AGBL1: variants seen among roughly 807,000 people sequenced by gnomAD.
The protein encoded by AGBL1 is AGBL carboxypeptidase 1.
A neutral mutation model predicts 118.9 loss-of-function variants in AGBL1; 130 were observed. The ratio of observed to expected loss-of-function variants is 1.09; its 90% CI spans 0.95 to 1.26. AGBL1 has a LOEUF of 1.26. AGBL1 is among the 50% of genes most tolerant of loss of function. The pLI, the probability that AGBL1 is intolerant of heterozygous loss-of-function variation, is 0.00. For missense variants in AGBL1, 1,584 were observed against 1,298.1 expected (o/e 1.22, Z -3.38); for synonymous variants, 555 against 478.9 (o/e 1.16, Z -2.08).
At chr15:86,468,170 G>C (rs758271181) in intron 18 of AGBL1, among the ~76,000 whole-genome samples, 6 of 152,102 alleles carry the variant, frequency 3.9e-5, no homozygotes, top group Non-Finnish European at 8.8e-5. Context: ...AGGCCTTGAA[G>C]AAAAATTGCA....
At chr15:86,999,387 A>G (rs1265396551) in intron 24 of AGBL1, among the ~76,000 whole-genome samples, 6 of 125,098 alleles carry the variant, frequency 4.8e-5, no homozygotes, top group African/African-American at 1.5e-4. Flanking sequence ...CCACCCCACA[A>G]CAGTCCCCAG....
intron 22 of AGBL1, among the ~76,000 whole-genome samples, chr15:86,693,612 A>G (rs1350382968): frequency 1.3e-5 from 2 of 151,974 alleles, no homozygotes; most frequent in South Asian, 4.1e-4. Flanking sequence ...CCACCTATTT[A>G]TCTTTGTTTT....
intron 22 of AGBL1, among the ~76,000 whole-genome samples, chr15:86,808,700 T>C (rs2078750705): frequency 6.6e-6 from 1 of 150,456 alleles, no homozygotes; most frequent in Non-Finnish European, 1.5e-5. Context: ...CCTTCCTCCT[T>C]CCTTCCTTCT....
rs566163421 is a variant in AGBL1, at chr15:86,734,610, G to A, written c.3158+60174G>A. ...CTCCTACCTGCTCAGAGCCACAGCC[G>A]GCCAACTCCTATGCTGTGGAGTCAT... On this transcript the variant is annotated intron_variant, in intron 22 of 22. Coordinates refer to ENST00000614907, the MANE Select transcript of AGBL1 (RefSeq NM_001386094.1). 2.6e-4 allele frequency among the ~76,000 whole-genome samples: 40 copies of A among 152,182 alleles called. No individual in the cohort carries two copies. In the South Asian group the frequency reaches 7.7e-3, roughly 29 times the overall value.
intron 5 of AGBL1, among the ~76,000 whole-genome samples, chr15:86,170,087 G>A (rs751911123): frequency 6.6e-6 from 1 of 152,172 alleles, no homozygotes; most frequent in African/African-American, 2.4e-5. Context: ...TGAGATAGAT[G>A]TTATAATTAT....
intron 1 of AGBL1, among the ~76,000 whole-genome samples, chr15:86,136,901 C>T (rs2076896862): frequency 6.6e-6 from 1 of 152,176 alleles, no homozygotes; most frequent in South Asian, 2.1e-4. Flanking sequence ...GTTCTTCCAA[C>T]TCCAACTCCC....
At chr15:86,762,326 C>T (rs2078038027) in intron 22 of AGBL1, among the ~76,000 whole-genome samples, 1 of 151,826 alleles carries the variant, frequency 6.6e-6, no homozygotes, top group Non-Finnish European at 1.5e-5. Flanking sequence ...CACATGTTTA[C>T]CTATGTAACA....
At chr15:86,813,203 T>TC (rs1555452872) in intron 22 of AGBL1, among the ~76,000 whole-genome samples, 4 of 151,216 alleles carry the variant, frequency 2.6e-5, no homozygotes, top group Non-Finnish European at 5.9e-5. Flanking sequence ...CTTTGAGGGT[T>TC]GGGGGGGCCT....
Position 86,318,842 on chromosome 15 carries a change from C to A in AGBL1, c.2374+23434C>A, listed in dbSNP as rs375210118. 2.3e-4 allele frequency among the ~76,000 whole-genome samples: 35 copies of A among 151,118 alleles called. No individual in the cohort carries two copies. The South Asian group carries it at 7.3e-3, about 32-fold the overall frequency. On this transcript the variant is annotated intron_variant, in intron 17 of 22. Coordinates refer to ENST00000614907, the MANE Select transcript of AGBL1 (RefSeq NM_001386094.1). ...TGGTTTTCTGTTAGGATATATGGAT[C>A]TGAATGAAGTGTTATTATTATATGG...
At position 86,347,515 on chromosome 15, in the gene AGBL1, C is replaced by T. The variant is rs143900273; in HGVS notation, c.2375-49851C>T. On this transcript the variant is annotated intron_variant, in intron 17 of 22. Coordinates refer to ENST00000614907, the MANE Select transcript of AGBL1 (RefSeq NM_001386094.1). ...TATTTTATGCAAGCATTTCAAATGT[C>T]GCAAGAAATGAACTTTTTCTAGCCA... Among the ~76,000 whole-genome samples, 86 of 152,304 alleles carry T rather than the reference C, an allele frequency of 5.6e-4. No individual in the cohort carries two copies. The East Asian group carries it at 0.014, about 26-fold the overall frequency.
chr15:86,830,152 A>G (rs1012211932), intron 22 of AGBL1, among the ~76,000 whole-genome samples: 2 of 152,066 alleles, frequency 1.3e-5, no homozygotes, highest in East Asian at 3.9e-4. Context: ...TAACGCATAT[A>G]CTCTACTCTC....
intron 5 of AGBL1, among the ~76,000 whole-genome samples, chr15:86,222,446 G>A (rs964821817): frequency 7.2e-5 from 11 of 151,832 alleles, no homozygotes; most frequent in South Asian, 2.1e-4. Context: ...TTCACCCTCC[G>A]CAGCTCACCT....
At chr15:86,720,511 C>A (rs76165881) in intron 22 of AGBL1, among the ~76,000 whole-genome samples, 2 of 152,178 alleles carry the variant, frequency 1.3e-5, no homozygotes, top group South Asian at 2.1e-4. Context: ...GAATTTACTT[C>A]GCTGCCAATG....
chr15:86,090,681 T>A (rs772988708), intron 1 of AGBL1, among the ~76,000 whole-genome samples: 7 of 152,226 alleles, frequency 4.6e-5, no homozygotes, highest in Non-Finnish European at 8.8e-5. Flanking sequence ...ATGCTCTTTA[T>A]TTTTTGATAT....
At chr15:86,441,353 G>A (rs1330694492) in intron 18 of AGBL1, among the ~76,000 whole-genome samples, 2 of 152,074 alleles carry the variant, frequency 1.3e-5, no homozygotes. Flanking sequence ...TCAACATCTC[G>A]TGCTATGGAA....
At chr15:86,290,343 CTTTTTTT>C (rs559169172) in intron 16 of AGBL1, among the ~76,000 whole-genome samples, 4 of 134,346 alleles carry the variant, frequency 3.0e-5, no homozygotes, top group African/African-American at 5.5e-5. Flanking sequence ...TCTTTTCTTT[CTTTTTTT>C]TTTTTTTTTT....
At chr15:86,920,271 T>A (rs1287737619), downstream of AGBL1, among the ~76,000 whole-genome samples, 1 of 152,228 alleles carries the variant, frequency 6.6e-6, no homozygotes, top group Non-Finnish European at 1.5e-5. Context: ...TCTCAGCTCC[T>A]ACAGTCCGCC....
chr15:86,157,120 C>T (rs2077203220), intron 4 of AGBL1, among the ~76,000 whole-genome samples: 1 of 152,032 alleles, frequency 6.6e-6, no homozygotes, highest in African/African-American at 2.4e-5. Flanking sequence ...GGTAAATTCT[C>T]TTAATAAACA....
chr15:86,793,709 A>G (rs969155457), intron 22 of AGBL1, among the ~76,000 whole-genome samples: 1 of 152,220 alleles, frequency 6.6e-6, no homozygotes, highest in African/African-American at 2.4e-5. Flanking sequence ...ATATTTGCAA[A>G]TCATACGTCT....
Sources: allele counts gnomAD v4.1 joint callset (sites outside exome capture counted in the v4.1 genomes callset), GRCh38; gene constraint gnomAD v4.1.1; transcripts MANE v1.5; gene names NCBI Gene and HGNC (gene_info 2026-07-23, HGNC 2026-07-21).